The following COL18A1 variants were observed in gnomAD, a reference collection of about 807,000 sequenced individuals.
COL18A1 encodes collagen type XVIII alpha 1 chain, also known as collagen alpha-1(XVIII) chain.
A neutral mutation model predicts 168.0 loss-of-function variants in COL18A1; 133 were observed. That is an observed-to-expected ratio of 0.79 (90% CI 0.69 to 0.91). The LOEUF is 0.91. Among genes scored for constraint, COL18A1 ranks in the 40% least tolerant of loss-of-function variants. The probability of loss-of-function intolerance (pLI) is 0.00; values close to 1 mark genes in which losing one functional copy is unlikely to be tolerated. For missense variants in COL18A1, 2,126 were observed against 1,925.4 expected (o/e 1.10, Z -1.95); for synonymous variants, 949 against 809.0 (o/e 1.17, Z -2.94).
At chr21:45,429,061 C>T (rs1421112247) in intron 2 of COL18A1, among the ~76,000 whole-genome samples, 3 of 152,070 alleles carry the variant, frequency 2.0e-5, no homozygotes, top group Non-Finnish European at 2.9e-5. Flanking sequence ...CCACCCCACC[C>T]GGCCAATTTT....
chr21:45,418,775 T>TTC (rs2033531066), intron 2 of COL18A1, among the ~76,000 whole-genome samples: 1 of 57,652 alleles, frequency 1.7e-5, no homozygotes, highest in Non-Finnish European at 3.6e-5. Context: ...CAAGGCTGTC[T>TTC]CTGCTTTAGC....
At chr21:45,508,202 GTGAGTGTATGAA>G (rs1268094297) in intron 38 of COL18A1, among the ~76,000 whole-genome samples, 2 of 150,164 alleles carry the variant, frequency 1.3e-5, no homozygotes, top group Non-Finnish European at 3.0e-5. Context: ...GGACAGGTGG[GTGAGTGTATGAA>G]TGGGTGGGTG....
In COL18A1 at chr21:45,455,807, A is replaced by G. The variant is rs1457776311; in HGVS notation, c.107-12435A>G. Reference sequence around the variant, plus strand: ...AGAGCTGCTGGAAGATGGCCAGGACACCCCCACTTCTGCCGAGAGCCCGGA... The same window carrying G: ...AGAGCTGCTGGAAGATGGCCAGGACGCCCCCACTTCTGCCGAGAGCCCGGA... On this transcript the variant is annotated intron_variant, in intron 2 of 41. Coordinates refer to ENST00000651438, the MANE Select transcript of COL18A1 (RefSeq NM_001379500.1). 14 of 1,613,224 alleles carry G rather than the reference A, an allele frequency of 8.7e-6. No homozygotes were observed. Among genetic ancestry groups the G allele is most frequent in the Non-Finnish European group, 1.0e-5 (12 of 1,179,968 alleles).
intron 2 of COL18A1, among the ~76,000 whole-genome samples, chr21:45,445,255 C>A (rs2034480076): frequency 6.6e-6 from 1 of 152,192 alleles, no homozygotes; most frequent in African/African-American, 2.4e-5. Context: ...CCTGTGGTTT[C>A]CGGGTTCGTC....
In COL18A1 at chr21:45,507,556, T is replaced by C. The variant is rs2037292638; in HGVS notation, c.3217-5T>C. Reference sequence around the variant, plus strand: ...GTCCTGGGTGACCCTGCTGCTTTCTTCCAGCTGGAGGCCCGGACACCACTC... The same window carrying C: ...GTCCTGGGTGACCCTGCTGCTTTCTCCCAGCTGGAGGCCCGGACACCACTC... On this transcript the variant is annotated splice_polypyrimidine_tract_variant and splice_region_variant and intron_variant, in intron 37 of 41. Transcript: ENST00000651438. The C allele has an allele frequency of 1.2e-6, 2 of 1,611,850 alleles. No homozygotes were observed.
chr21:45,438,797 C>A (rs1013768917), intron 2 of COL18A1, among the ~76,000 whole-genome samples: 1 of 152,190 alleles, frequency 6.6e-6, no homozygotes, highest in East Asian at 1.9e-4. Flanking sequence ...TTATTAGACA[C>A]GTTAGCAGGT....
At chr21:45,412,019 G>A (rs933307298) in intron 2 of COL18A1, among the ~76,000 whole-genome samples, 2 of 152,098 alleles carry the variant, frequency 1.3e-5, no homozygotes, top group East Asian at 1.9e-4. Context: ...GGCGTTCACC[G>A]TGTGGGTGAA....
chr21:45,491,439 T>G, intron 22 of COL18A1, 125 bp downstream of exon 22: 1 of 524,838 alleles, frequency 1.9e-6, no homozygotes, highest in African/African-American at 4.0e-5. Flanking sequence ...ACTGCCAGTC[T>G]ACACTCCACC....
In COL18A1 at chr21:45,477,940, G is replaced by A. The variant is rs2035739204; in HGVS notation, c.1196G>A (p.Gly399Asp). ...QGPPGPPGRD[G>D]TPGRDGEPGD... ...CCCCCAGGGCCTCCGGGGAGGGACG[G>A]CACCCCTGGAAGGGACGGCGAGCCG... The change falls in exon 8 of 42, where the codon GGC becomes GAC. Residue 399 changes from glycine (G) to aspartate (D), a missense_variant. Coordinates refer to ENST00000651438, the MANE Select transcript of COL18A1 (RefSeq NM_001379500.1). 1.9e-6 allele frequency: 3 copies of A among 1,554,022 alleles called. No homozygotes were observed. The highest frequency in any genetic ancestry group is 3.7e-5 in the Admixed American group (2 of 53,566).
Position 45,480,497 on chromosome 21 carries a change from G to T in COL18A1, c.1429G>T (p.Gly477Trp). The change falls in exon 12 of 42, where the codon GGG becomes TGG. Residue 477 changes from glycine to tryptophan, a missense_variant. Gly to Trp is a radical substitution (Grantham distance 184). Coordinates refer to ENST00000651438, the MANE Select transcript of COL18A1 (RefSeq NM_001379500.1). ...TFIDMEGSGFGGDLEALRGPR... is the reference protein window; with the variant it reads ...TFIDMEGSGFWGDLEALRGPR... ...CATTGACATGGAGGGATCTGGCTTC[G>T]GGGGCGATCTGGAGGCCCTGCGGGT... 1 of 1,613,996 alleles carries T rather than the reference G, an allele frequency of 6.2e-7. No individual in the cohort carries two copies. The highest frequency in any genetic ancestry group is 1.1e-5 in the South Asian group (1 of 91,084).
chr21:45,498,724 C>T lies in COL18A1; in HGVS notation c.2683+1063C>T. 1 of 618,618 alleles carries T rather than the reference C, an allele frequency of 1.6e-6. No homozygotes were observed. The highest frequency in any genetic ancestry group is 1.8e-5 in the African/African-American group (1 of 54,574). 38.3% of individuals were successfully genotyped at this position (618,618 alleles called of 1,614,324 possible). On this transcript the variant is annotated intron_variant, in intron 32 of 41. Transcript: ENST00000651438. This position sits in a 1 kb window ranked among gnomAD's most constrained non-coding sequence, Gnocchi z 4.5. ...CGCCCAGGAAGGAGTGAATGATGCA[C>T]AGATGACCAGAAACCAGGAGAAGAG...
intron 4 of COL18A1, 90 bp downstream of exon 4, chr21:45,474,071 A>G: frequency 9.9e-7 from 1 of 1,007,676 alleles, no homozygotes; most frequent in Non-Finnish European, 1.5e-6. Context: ...AAAAGTCCCA[A>G]AATATACCAC....
rs2037441110 is a variant in COL18A1, at chr21:45,509,451, C to T, written c.3345C>T (p.Pro1115=). ...RREHPHPTAR[P]WRADDILASP... is the part of the protein sequence containing the mutation. ...AGCACCCCCACCCCACCGCGCGGCC[C>T]TGGCGGGCAGATGACATCCTGGCCA... is the stretch of plus-strand genomic sequence containing the variant. Residue 1115 remains proline, a synonymous_variant, in exon 39 of 42, where the codon CCC becomes CCT. Transcript: ENST00000651438. 1 of 1,534,992 alleles carries T rather than the reference C, an allele frequency of 6.5e-7. No individual in the cohort carries two copies. The highest frequency in any genetic ancestry group is 8.7e-7 in the Non-Finnish European group (1 of 1,142,900).
In COL18A1 at chr21:45,457,547, T is replaced by A. The variant is rs1188925825; in HGVS notation, c.107-10695T>A. 6.6e-6 allele frequency among the ~76,000 whole-genome samples: 1 copy of A among 152,040 alleles called. No individual in the cohort carries two copies. Among genetic ancestry groups the A allele is most frequent in the Non-Finnish European group, 1.5e-5 (1 of 67,982 alleles). On this transcript the variant is annotated intron_variant, in intron 2 of 41. Coordinates refer to ENST00000651438, the MANE Select transcript of COL18A1 (RefSeq NM_001379500.1). The surrounding 1 kb of genome is among the most constrained non-coding windows in gnomAD (Gnocchi z 4.6). ...CTGGCCTTGTTGCTGGCTGGACAGT[T>A]GGGGGCAGGAAGAGGAGGGAAAGGG... is the stretch of plus-strand genomic sequence containing the variant.
At chr21:45,508,105 G>C (rs1181197589) in intron 38 of COL18A1, among the ~76,000 whole-genome samples, 1 of 143,560 alleles carries the variant, frequency 7.0e-6, no homozygotes, top group Non-Finnish European at 1.5e-5. Flanking sequence ...GATGGATGGT[G>C]GTCAGGCGGG....
In COL18A1 at chr21:45,468,396, C is replaced by T. The variant is rs754805174; in HGVS notation, c.261C>T (p.Leu87=). ...TGGCCCGGTACCACTTCCCCAGCCT[C>T]TTCTTCCGTGACTTCTCACTGCTGT... ...GQVARYHFPS[L]FFRDFSLLFH... Residue 87 remains leucine (L), a synonymous_variant, in exon 3 of 42, where the codon CTC becomes CTT. Transcript: ENST00000651438. 2 of 1,614,010 alleles carry T rather than the reference C, an allele frequency of 1.2e-6. No individual in the cohort carries two copies. Among genetic ancestry groups the T allele is most frequent in the Non-Finnish European group, 1.7e-6 (2 of 1,180,024 alleles).
intron 2 of COL18A1, among the ~76,000 whole-genome samples, chr21:45,441,828 A>G (rs570577471): frequency 2.7e-4 from 41 of 152,198 alleles, no homozygotes; most frequent in Non-Finnish European, 3.1e-4. Flanking sequence ...AGGATGGAGC[A>G]CGCTGCTGGG....
At chr21:45,458,726 G>A (rs955401419) in intron 2 of COL18A1, among the ~76,000 whole-genome samples, 4 of 152,220 alleles carry the variant, frequency 2.6e-5, no homozygotes, top group Non-Finnish European at 4.4e-5. Flanking sequence ...AGCCCACGGA[G>A]GCAGACAGGA....
chr21:45,489,717 C>G (rs1039760451), intron 19 of COL18A1, among the ~76,000 whole-genome samples, 196 bp downstream of exon 19: 24 of 152,042 alleles, frequency 1.6e-4, no homozygotes, highest in African/African-American at 5.5e-4. Context: ...CCCCAGGGCA[C>G]CCCCAGGTTT....
Sources: gnomAD v4.1 joint callset for allele counts (sites outside exome capture counted in the v4.1 genomes callset) on GRCh38, gnomAD v4.1.1 for gene constraint, Gnocchi (gnomAD v3.1) non-coding constraint, MANE v1.5 for transcripts, NCBI Gene and HGNC (gene_info 2026-07-23, HGNC 2026-07-21) for gene names.